Variants in TUNAR observed in about 807,000 individuals in gnomAD.
The protein encoded by TUNAR is protein TUNAR.
At chr14:95,923,019 C>T (rs878920794) in exon 3 of TUNAR, 4 of 398,964 alleles carry the variant, frequency 1.0e-5, no homozygotes, top group East Asian at 3.6e-5. Context: ...GGAAGTCCTG[C>T]GTGTCGGCGC....
At chr14:95,913,006 C>T (rs1045318384) in intron 2 of TUNAR, among the ~76,000 whole-genome samples, 15 of 152,090 alleles carry the variant, frequency 9.9e-5, no homozygotes, top group East Asian at 1.9e-4. Flanking sequence ...TTAGCCAGGA[C>T]GGTCTCCATC....
chr14:95,913,858 G>A (rs914370426), intron 2 of TUNAR, among the ~76,000 whole-genome samples: 30 of 152,226 alleles, frequency 2.0e-4, no homozygotes, highest in Non-Finnish European at 3.7e-4. Context: ...TCAGCCTCCC[G>A]AGTAGCTGGG....
rs373455570 is a variant in TUNAR, at chr14:95,922,222, G to A, written c.13-559G>A. ...AGGGATTATGAGAATTTCTCATGGCGTTACTCATCCACACCGTGCATAGAC... is the reference window on the plus strand; with the variant it reads ...AGGGATTATGAGAATTTCTCATGGCATTACTCATCCACACCGTGCATAGAC... On this transcript the variant is annotated intron_variant, in intron 2 of 2. Coordinates refer to ENST00000678517, the Ensembl canonical transcript of TUNAR. Among the ~76,000 whole-genome samples, 18 of 152,274 alleles carry A rather than the reference G, an allele frequency of 1.2e-4. No homozygotes were observed. In the South Asian group the frequency reaches 3.1e-3, roughly 26 times the overall value.
At chr14:95,883,700 C>T (rs1031705033) in intron 2 of TUNAR, among the ~76,000 whole-genome samples, 2 of 152,062 alleles carry the variant, frequency 1.3e-5, no homozygotes, top group Non-Finnish European at 2.9e-5. Context: ...TCTCCTCTCA[C>T]CTGGGTGCCT....
intron 2 of TUNAR, among the ~76,000 whole-genome samples, chr14:95,899,596 G>A (rs1889316433): frequency 6.6e-6 from 1 of 152,210 alleles, no homozygotes; most frequent in South Asian, 2.1e-4. Context: ...AGTTCTGGAA[G>A]CTGGGGATTC....
intron 2 of TUNAR, among the ~76,000 whole-genome samples, chr14:95,902,853 G>C (rs1889377990): frequency 6.6e-6 from 1 of 152,132 alleles, no homozygotes; most frequent in African/African-American, 2.4e-5. Context: ...AGCCTATCAG[G>C]GACTCTAAGC....
intron 2 of TUNAR, among the ~76,000 whole-genome samples, chr14:95,900,329 G>A (rs1049432184): frequency 6.6e-6 from 1 of 152,224 alleles, no homozygotes; most frequent in Non-Finnish European, 1.5e-5. Context: ...TGATTGCGGG[G>A]AAAGGAGCGA....
intron 2 of TUNAR, among the ~76,000 whole-genome samples, chr14:95,910,492 C>T (rs1357295366): frequency 6.6e-6 from 1 of 152,204 alleles, no homozygotes; most frequent in African/African-American, 2.4e-5. Context: ...GCTACTGGCC[C>T]CATCATGACA....
chr14:95,897,747 G>A (rs1285166119), intron 2 of TUNAR, among the ~76,000 whole-genome samples: 4 of 152,086 alleles, frequency 2.6e-5, no homozygotes, highest in East Asian at 1.9e-4. Flanking sequence ...GGGTTCTCCC[G>A]CCTACACAAT....
At chr14:95,902,848 A>T (rs140283080) in intron 2 of TUNAR, among the ~76,000 whole-genome samples, 1 of 152,292 alleles carries the variant, frequency 6.6e-6, no homozygotes, top group African/African-American at 2.4e-5. Context: ...TTCTGAGCCT[A>T]TCAGGGACTC....
chr14:95,889,279 T>C (rs373498423), intron 2 of TUNAR, among the ~76,000 whole-genome samples: 5 of 152,200 alleles, frequency 3.3e-5, no homozygotes, highest in African/African-American at 9.7e-5. Flanking sequence ...TTCTTAGGAC[T>C]GAGCTGATAT....
At chr14:95,900,284 G>A (rs967461892) in intron 2 of TUNAR, among the ~76,000 whole-genome samples, 1 of 152,256 alleles carries the variant, frequency 6.6e-6, no homozygotes, top group Non-Finnish European at 1.5e-5. Flanking sequence ...CGAAGGGAAG[G>A]CTGCGCTGCT....
intron 2 of TUNAR, among the ~76,000 whole-genome samples, chr14:95,884,284 C>T (rs1889032894): frequency 6.6e-6 from 1 of 152,080 alleles, no homozygotes; most frequent in African/African-American, 2.4e-5. Context: ...TCTGGCCCTC[C>T]ATCTCACCTC....
intron 2 of TUNAR, among the ~76,000 whole-genome samples, chr14:95,903,842 G>A (rs1422056603): frequency 6.6e-6 from 1 of 152,236 alleles, no homozygotes; most frequent in Admixed American, 6.5e-5. Flanking sequence ...CAGGGCTGTA[G>A]GGCTTCTCTG....
chr14:95,915,626 C>T (rs1022884846), intron 2 of TUNAR, among the ~76,000 whole-genome samples: 1 of 152,222 alleles, frequency 6.6e-6, no homozygotes, highest in African/African-American at 2.4e-5. Flanking sequence ...GCCTTCTAGC[C>T]CTGCCCGGCT....
chr14:95,918,224 A>T (rs1039208219), intron 2 of TUNAR, among the ~76,000 whole-genome samples: 1 of 152,254 alleles, frequency 6.6e-6, no homozygotes, highest in Admixed American at 6.5e-5. Context: ...AGAATGGGGT[A>T]TCCATCCCCT....
At chr14:95,911,627 G>A (rs925087169) in intron 2 of TUNAR, among the ~76,000 whole-genome samples, 4 of 152,204 alleles carry the variant, frequency 2.6e-5, no homozygotes, top group Non-Finnish European at 5.9e-5. Context: ...GATAGGATCA[G>A]CGTGAACCTT....
At chr14:95,883,729 C>A (rs1353748985) in intron 2 of TUNAR, among the ~76,000 whole-genome samples, 1 of 151,830 alleles carries the variant, frequency 6.6e-6, no homozygotes, top group Admixed American at 6.6e-5. Context: ...GCCACCCCCC[C>A]GCCGCCACTC....
At chr14:95,905,032 C>T (rs992500556) in intron 2 of TUNAR, among the ~76,000 whole-genome samples, 4 of 152,228 alleles carry the variant, frequency 2.6e-5, no homozygotes, top group Non-Finnish European at 4.4e-5. Flanking sequence ...GGCATTGATA[C>T]TAGAGCAATC....
Sources: gnomAD v4.1 joint callset for allele counts (sites outside exome capture counted in the v4.1 genomes callset) on GRCh38, gnomAD v4.1.1 for gene constraint, MANE v1.5 for transcripts, NCBI Gene and HGNC (gene_info 2026-07-23, HGNC 2026-07-21) for gene names.